Variants in SEPTIN8 observed in about 807,000 individuals in gnomAD.
SEPTIN8 encodes the protein septin 8.
A neutral mutation model predicts 53.1 loss-of-function variants in SEPTIN8; 22 were observed. The ratio of observed to expected loss-of-function variants is 0.41; its 90% CI spans 0.30 to 0.59. SEPTIN8 has a LOEUF of 0.59. Among genes scored for constraint, SEPTIN8 ranks in the 20% least tolerant of loss-of-function variants. SEPTIN8 has a pLI of 0.24. For synonymous variants in SEPTIN8, 228 were observed against 248.4 expected, an observed-to-expected ratio of 0.92 and a Z score of 0.77; for missense variants, 536 against 638.7, an observed-to-expected ratio of 0.84 and a Z score of 1.73.
upstream of SEPTIN8, among the ~76,000 whole-genome samples, chr5:132,778,662 C>A (rs1757973011): frequency 6.6e-6 from 1 of 152,180 alleles, no homozygotes; most frequent in East Asian, 1.9e-4. Flanking sequence ...CTTAGCTAGG[C>A]AAGTTACTTA....
intron 1 of SEPTIN8, among the ~76,000 whole-genome samples, chr5:132,774,629 A>G (rs1039353640): frequency 2.6e-5 from 4 of 152,172 alleles, no homozygotes; most frequent in Non-Finnish European, 5.9e-5. Context: ...ACACCATGCT[A>G]TGTGAGGACA....
At chr5:132,758,794 C>T in intron 9 of SEPTIN8, 2 of 1,614,118 alleles carry the variant, frequency 1.2e-6, no homozygotes, top group Non-Finnish European at 8.5e-7. Flanking sequence ...CTAAAGTCCA[C>T]TCTTGACATG....
At chr5:132,757,280 C>A (rs1334414774) in intron 9 of SEPTIN8, 2 of 985,314 alleles carry the variant, frequency 2.0e-6, no homozygotes, top group Non-Finnish European at 2.4e-6. Flanking sequence ...GTCACTAGAA[C>A]CTGCTCTGCT....
chr5:132,758,019 A>G, intron 9 of SEPTIN8: 1 of 989,756 alleles, frequency 1.0e-6, no homozygotes, highest in Non-Finnish European at 1.2e-6. Flanking sequence ...GTCCCTGTCT[A>G]CAGGTAGCAC....
intron 9 of SEPTIN8, chr5:132,757,974 T>C: frequency 1.0e-6 from 1 of 986,474 alleles, no homozygotes; most frequent in Non-Finnish European, 1.2e-6. Context: ...GAGTCTTAAT[T>C]GGAGTCAAAC....
rs1362993019 is a variant in SEPTIN8, at chr5:132,760,485, G to C, written c.1286+317C>G. Among the ~76,000 whole-genome samples the C allele has an allele frequency of 6.6e-6, 1 of 152,132 alleles. No individual in the cohort carries two copies. Among genetic ancestry groups the C allele is most frequent in the Non-Finnish European group, 1.5e-5 (1 of 68,034 alleles). On this transcript the variant is annotated intron_variant, in intron 9 of 9. Transcript: ENST00000378719. This position sits in a 1 kb window ranked among gnomAD's most constrained non-coding sequence, Gnocchi z 5.2. ...GGAGAGCGAATGGGTGAGCAAGAAA[G>C]TTGGAGGAAGAGGAAGAAGGGGGAA...
chr5:132,766,906 G>C (rs963305620), intron 1 of SEPTIN8, among the ~76,000 whole-genome samples: 2 of 152,040 alleles, frequency 1.3e-5, no homozygotes, highest in Non-Finnish European at 2.9e-5. Flanking sequence ...GAGAACCTTG[G>C]CACTCAAACC....
intron 4 of SEPTIN8, among the ~76,000 whole-genome samples, chr5:132,763,404 C>G (rs956395765): frequency 6.6e-6 from 1 of 152,084 alleles, no homozygotes. Context: ...TTCCCTGGAG[C>G]GAAGGGGAAC....
chr5:132,772,843 TC>T (rs1345782941), intron 1 of SEPTIN8, among the ~76,000 whole-genome samples: 1 of 151,980 alleles, frequency 6.6e-6, no homozygotes, highest in African/African-American at 2.4e-5. Flanking sequence ...CCACAGCCCC[TC>T]CTGAACCCCA....
upstream of SEPTIN8, among the ~76,000 whole-genome samples, chr5:132,780,018 G>T (rs115984727): frequency 6.6e-6 from 1 of 152,140 alleles, no homozygotes; most frequent in Non-Finnish European, 1.5e-5. Context: ...TTGGCCTTAC[G>T]TGGTCTTGCT....
intron 1 of SEPTIN8, among the ~76,000 whole-genome samples, chr5:132,767,770 G>A (rs1290058464): frequency 6.6e-6 from 1 of 152,112 alleles, no homozygotes; most frequent in Non-Finnish European, 1.5e-5. Flanking sequence ...TCGGTCTAGA[G>A]CTTTTTTCTT....
At position 132,765,495 on chromosome 5, in the gene SEPTIN8, C is replaced by T; in HGVS notation, c.65G>A (p.Gly22Asp). ...AEPEPRSLSLGGHVGFDSLPD... is the reference protein window; with the variant it reads ...AEPEPRSLSLDGHVGFDSLPD... ...GAGGCTGTCGAAACCCACATGGCCG[C>T]CCAGGGAGAGGCTCCGGGGCTCTGG... Residue 22 changes from glycine to aspartate, a missense_variant, in exon 2 of 10, where the codon GGC (glycine) becomes GAC (aspartate). Physicochemically the swap from Gly to Asp is moderately conservative, Grantham distance 94 (BLOSUM62 -1). Coordinates refer to ENST00000378719, the MANE Select transcript of SEPTIN8 (RefSeq NM_001098811.2). 6.2e-7 allele frequency: 1 copy of T among 1,611,462 alleles called. No homozygotes were observed. Among genetic ancestry groups the T allele is most frequent in the Non-Finnish European group, 8.5e-7 (1 of 1,178,748 alleles).
intron 9 of SEPTIN8, chr5:132,752,723 C>T: frequency 1.5e-6 from 1 of 648,608 alleles, no homozygotes; most frequent in Non-Finnish European, 2.7e-6. Flanking sequence ...ATGGATGTCC[C>T]TGAGATGGTA....
At position 132,752,748 on chromosome 5, in the gene SEPTIN8, T is replaced by C; in HGVS notation, c.1287-567A>G. ...CTGAGATGGTAGGATTAGTGGTCCT[T>C]AGTTGGGTGGTTGGACCTTCCTGAA... On this transcript the variant is annotated intron_variant, in intron 9 of 9. Coordinates refer to ENST00000378719, the MANE Select transcript of SEPTIN8 (RefSeq NM_001098811.2). The C allele has an allele frequency of 2.7e-6, 2 of 735,286 alleles. 1 individual carries two copies. The highest frequency in any genetic ancestry group is 5.3e-4 in the Middle Eastern group (2 of 3,798). 45.5% of individuals were successfully genotyped at this position (735,286 alleles called of 1,614,324 possible).
upstream of SEPTIN8, chr5:132,777,988 G>T: frequency 1.0e-6 from 1 of 985,436 alleles, no homozygotes; most frequent in Non-Finnish European, 1.2e-6. The surrounding 1 kb of genome is among the most constrained non-coding windows in gnomAD (Gnocchi z 4.1). Context: ...ACGTCTTAAT[G>T]GTTCCACCAT....
intron 1 of SEPTIN8, among the ~76,000 whole-genome samples, chr5:132,769,713 C>G (rs1268605638): frequency 1.3e-5 from 2 of 151,814 alleles, no homozygotes; most frequent in Admixed American, 1.3e-4. Context: ...AGAGCAAAGC[C>G]AGGATCTGAA....
In SEPTIN8 at chr5:132,764,371, G is replaced by A. The variant is rs376068350; in HGVS notation, c.200C>T (p.Thr67Met). The stretch of plus-strand genomic sequence containing the variant: ...ACTGGCTTCCTCAGTCTCGAAGGTC[G>A]TGTTGAAGAGTGTGTTCATCAGTGT... ...KSTLMNTLFNTTFETEEASHH... is the reference protein window; with the variant it reads ...KSTLMNTLFNMTFETEEASHH... Residue 67 changes from threonine to methionine, a missense_variant, in exon 3 of 10, where the codon ACG becomes ATG. Around this residue, in one of 3 missense-constraint regions of SEPTIN8, gnomAD observed 395 missense variants for 451.8 expected, o/e 0.87. Transcript: ENST00000378719. 194 of 1,614,028 alleles carry A rather than the reference G, an allele frequency of 1.2e-4. No homozygotes were observed. Among genetic ancestry groups the A allele is most frequent in the Non-Finnish European group, 1.5e-4 (182 of 1,180,016 alleles).
chr5:132,752,774 C>T (rs764552188), intron 9 of SEPTIN8: 63 of 1,087,840 alleles, frequency 5.8e-5, no homozygotes, highest in Non-Finnish European at 8.1e-5. Context: ...CCTTCCTGAA[C>T]TTGCTTCATG....
intron 9 of SEPTIN8, 105 bp from the exon 10 acceptor site, chr5:132,752,286 T>C (rs1169130672): frequency 1.0e-5 from 14 of 1,382,792 alleles, no homozygotes; most frequent in African/African-American, 1.5e-5. Flanking sequence ...TTTGCCCTTG[T>C]AGCCTCTGGA....
Sources: gnomAD v4.1 joint callset for allele counts (sites outside exome capture counted in the v4.1 genomes callset) on GRCh38, gnomAD v4.1.1 for gene constraint, gnomAD v4.1.1 regional missense constraint, Gnocchi (gnomAD v3.1) non-coding constraint, MANE v1.5 for transcripts, NCBI Gene and HGNC (gene_info 2026-07-23, HGNC 2026-07-21) for gene names.